The following BOP1 variants were observed in gnomAD, a reference collection of about 807,000 sequenced individuals.
The protein encoded by BOP1 is ribosome biogenesis protein BOP1.
A neutral mutation model predicts 82.9 loss-of-function variants in BOP1; 54 were observed. That is an observed-to-expected ratio of 0.65 (90% CI 0.52 to 0.82). The LOEUF is 0.82. Ranked by LOEUF, BOP1 falls within the 40% of genes least tolerant of loss-of-function variation. The pLI is 0.00. For missense variants in BOP1, 1,170 were observed against 1,072.0 expected (o/e 1.09, Z -1.28); for synonymous variants, 566 against 451.1 (o/e 1.25, Z -3.23).
chr8:144,276,405 C>A, intron 2 of BOP1, 101 bp from the exon 3 acceptor site: 2 of 1,346,930 alleles, frequency 1.5e-6, no homozygotes, highest in Admixed American at 3.8e-5. Context: ...CTCTGAGCAG[C>A]TCCAGCCTGG....
chr8:144,272,448 A>C (rs1845506450), intron 3 of BOP1, among the ~76,000 whole-genome samples: 1 of 152,160 alleles, frequency 6.6e-6, no homozygotes, highest in African/African-American at 2.4e-5. Flanking sequence ...CAGAGGGCCC[A>C]GAGCCTGCAG....
chr8:144,273,657 C>T (rs1337319087), intron 3 of BOP1, among the ~76,000 whole-genome samples: 1 of 152,234 alleles, frequency 6.6e-6, no homozygotes, highest in African/African-American at 2.4e-5. Context: ...CCCCTTGCCC[C>T]GCCCCTCCAC....
chr8:144,266,496 C>G (rs1270497573), intron 3 of BOP1: 7 of 986,934 alleles, frequency 7.1e-6, no homozygotes, highest in African/African-American at 1.8e-5. Context: ...CAGCTGCCAC[C>G]GCGGGGCGCA....
rs2130198059 is a variant in BOP1, at chr8:144,264,040, G to A, written c.1081C>T (p.Gln361Ter). 2 of 1,609,802 alleles carry A rather than the reference G, an allele frequency of 1.2e-6. No homozygotes were observed. Among genetic ancestry groups the A allele is most frequent in the Non-Finnish European group, 8.5e-7 (1 of 1,179,788 alleles). Reference protein sequence around the residue: ...RAVPAYGRFIQERFERCLDLY... With the variant: ...RAVPAYGRFI Reference sequence around the variant, plus strand: ...TCAAGGCAGCGCTCGAAGCGTTCCTGGATGAAGCGTCCGTAGGCAGGCACG... The same window carrying A: ...TCAAGGCAGCGCTCGAAGCGTTCCTAGATGAAGCGTCCGTAGGCAGGCACG... Residue 361 changes from glutamine (Q) to a stop codon, truncating the protein, a stop_gained, in exon 8 of 16, where the codon CAG (glutamine) becomes TAG (stop). Transcript: ENST00000569669. LOFTEE classifies it high-confidence loss of function.
chr8:144,263,510 G>T lies in BOP1; in HGVS notation c.1392C>A (p.Pro464=). Residue 464 remains proline (P), a synonymous_variant, in exon 11 of 16, where the codon CCC becomes CCA. Coordinates refer to ENST00000569669, the MANE Select transcript of BOP1 (RefSeq NM_015201.5). ...CAGCCACCAGGCAGACAGCGGGGCT[G>T]GGGTTCCAGGCCACACTCTTCACCA... The part of the protein sequence containing the change: ...GGVVKSVAWN[P]SPAVCLVAAA... The T allele has an allele frequency of 6.3e-7, 1 of 1,599,090 alleles. No homozygotes were observed.
intron 3 of BOP1, among the ~76,000 whole-genome samples, chr8:144,267,694 G>A (rs1237937826): frequency 6.6e-6 from 1 of 152,072 alleles, no homozygotes; most frequent in African/African-American, 2.4e-5. Flanking sequence ...CCGAGACGTG[G>A]GCCATGGGAC....
chr8:144,286,554 T>C (rs55974831), intron 2 of BOP1, among the ~76,000 whole-genome samples: 15,865 of 41,212 alleles, frequency 0.38, 2,806 homozygotes, highest in Middle Eastern at 0.48. Flanking sequence ...GGCCTCGGCC[T>C]CCCAGCTAAA....
rs1412142759 is a variant in BOP1 at position 144,271,047 on chromosome 8, G to T, written c.390+5177C>A. Reference sequence around the variant, plus strand: ...CTGCGGGCTGCCAGGAAACACATGTGACCCCTCCGGGTCAGGCCCCGCACG... The same window carrying T: ...CTGCGGGCTGCCAGGAAACACATGTTACCCCTCCGGGTCAGGCCCCGCACG... On this transcript the variant is annotated intron_variant, in intron 3 of 15. Transcript: ENST00000569669. Among the ~76,000 whole-genome samples, 7 of 150,804 alleles carry T rather than the reference G, an allele frequency of 4.6e-5. No homozygotes were observed. The East Asian group carries it at 1.4e-3, about 30-fold the overall frequency.
At chr8:144,285,949 G>A (rs901438857) in intron 2 of BOP1, among the ~76,000 whole-genome samples, 1 of 152,244 alleles carries the variant, frequency 6.6e-6, no homozygotes, top group Non-Finnish European at 1.5e-5. Flanking sequence ...CCATCTTGGC[G>A]GCACTCTGGG....
intron 2 of BOP1, among the ~76,000 whole-genome samples, chr8:144,278,028 G>A (rs868976844): frequency 6.6e-6 from 1 of 152,228 alleles, no homozygotes; most frequent in African/African-American, 2.4e-5. Flanking sequence ...CCACGCCCAT[G>A]CCTGGAGTCA....
chr8:144,268,129 C>T (rs942996144), intron 3 of BOP1: 375 of 1,551,808 alleles, frequency 2.4e-4, no homozygotes, highest in Non-Finnish European at 3.0e-4. Flanking sequence ...AGAAAGACAG[C>T]GATTCGCAGT....
Position 144,263,299 on chromosome 8 carries a change from G to C in BOP1, c.1527C>G (p.Pro509=). The change falls in exon 12 of 16, where the codon CCC becomes CCG. Residue 509 remains proline, a synonymous_variant. Coordinates refer to ENST00000569669, the MANE Select transcript of BOP1 (RefSeq NM_015201.5). ...LSAFVPPEEP[P]LQPARWLEAS... ...CCTCCAGCCAGCGGGCCGGCTGCAA[G>C]GGGGGCTCCTCAGGCGGGACGAAGG... 4 of 1,594,184 alleles carry C rather than the reference G, an allele frequency of 2.5e-6. No homozygotes were observed. The highest frequency in any genetic ancestry group is 3.4e-6 in the Non-Finnish European group (4 of 1,178,912).
intron 1 of BOP1, among the ~76,000 whole-genome samples, chr8:144,290,196 A>G (rs1796070097): frequency 1.3e-5 from 2 of 152,046 alleles, no homozygotes; most frequent in Non-Finnish European, 2.9e-5. Context: ...ATCTCTACTA[A>G]AAATACAAAA....
Position 144,264,452 on chromosome 8 carries a change from G to GGGTCAGGAC in BOP1, c.766-24_766-16dup. ...ATGCGAGAGACCTGCATAGACAGCC[G>GGGTCAGGAC]GGTCAGGACGGGCAGTGCGGGGCGG... is the stretch of plus-strand genomic sequence containing the variant. On this transcript the variant is annotated splice_polypyrimidine_tract_variant and intron_variant, in intron 6 of 15. Coordinates refer to ENST00000569669, the MANE Select transcript of BOP1 (RefSeq NM_015201.5). 6.2e-7 allele frequency: 1 copy of GGGTCAGGAC among 1,605,662 alleles called. No individual in the cohort carries two copies. Among genetic ancestry groups the GGGTCAGGAC allele is most frequent in the Non-Finnish European group, 8.5e-7 (1 of 1,179,596 alleles).
At chr8:144,283,372 C>G (rs1814771855) in intron 2 of BOP1, among the ~76,000 whole-genome samples, 2 of 152,326 alleles carry the variant, frequency 1.3e-5, no homozygotes, top group South Asian at 4.1e-4. Flanking sequence ...GGGCAACAGC[C>G]ATGAGGGTTT....
intron 1 of BOP1, among the ~76,000 whole-genome samples, chr8:144,289,653 C>A (rs192180618): frequency 6.6e-6 from 1 of 152,202 alleles, no homozygotes; most frequent in Non-Finnish European, 1.5e-5. Flanking sequence ...TCCGGAGGCC[C>A]TGTGGGGTCA....
intron 3 of BOP1, chr8:144,267,187 A>C (rs1845393156): frequency 6.6e-7 from 1 of 1,518,994 alleles, no homozygotes; most frequent in Non-Finnish European, 8.7e-7. Context: ...GTTGGTGAGC[A>C]CGGGCCGTGG....
rs968383913 is a variant in BOP1 at position 144,263,906 on chromosome 8, A to G, written c.1146T>C (p.Asn382=). The G allele has an allele frequency of 4.7e-4, 763 of 1,611,660 alleles. 2 individuals carry two copies. In the African/African-American group the frequency reaches 7.7e-3, roughly 16 times the overall value. The change falls in exon 9 of 16, where the codon AAT becomes AAC. Residue 382 remains asparagine, a synonymous_variant. Coordinates refer to ENST00000569669, the MANE Select transcript of BOP1 (RefSeq NM_015201.5). ...LCPRQRKMRV[N]VDPEDLIPKL... ...TGGGGATGAGGTCCTCAGGGTCTACATTCACCTGGGGCAGGAGAGCGCCAG... is the reference window on the plus strand; with the variant it reads ...TGGGGATGAGGTCCTCAGGGTCTACGTTCACCTGGGGCAGGAGAGCGCCAG...
chr8:144,265,086 C>T lies in BOP1; in HGVS notation c.391-15G>A, dbSNP rs1392674937. The T allele has an allele frequency of 1.9e-6, 3 of 1,603,352 alleles. No homozygotes were observed. The highest frequency in any genetic ancestry group is 2.7e-5 in the African/African-American group (2 of 74,750). Reference sequence around the variant, plus strand: ...TTCCGGATGTCCTGCAGCCGGGGGCCACCATGTCGGCATCTGATCCTACAA... The same window carrying T: ...TTCCGGATGTCCTGCAGCCGGGGGCTACCATGTCGGCATCTGATCCTACAA... On this transcript the variant is annotated splice_polypyrimidine_tract_variant and intron_variant, in intron 3 of 15. Transcript: ENST00000569669.
Sources: gnomAD v4.1 joint callset for allele counts (sites outside exome capture counted in the v4.1 genomes callset) on GRCh38, gnomAD v4.1.1 for gene constraint, MANE v1.5 for transcripts, NCBI Gene and HGNC (gene_info 2026-07-23, HGNC 2026-07-21) for gene names.